The following VPS13B variants were observed in gnomAD, a reference collection of about 807,000 sequenced individuals.
VPS13B encodes intermembrane lipid transfer protein VPS13B.
In VPS13B, 285 loss-of-function variants were observed where a neutral mutation model predicts 426.4. The ratio of observed to expected loss-of-function variants is 0.67; its 90% CI spans 0.61 to 0.74. The LOEUF is 0.74. VPS13B is among the 30% of genes least tolerant of loss of function. The pLI, the probability that VPS13B is intolerant of heterozygous loss-of-function variation, is 0.00. For synonymous variants in VPS13B, 1,676 were observed against 1,676.4 expected (o/e 1.00, Z 0.01); for missense variants, 4,537 against 4,782.6 (o/e 0.95, Z 1.51).
At chr8:99,437,701 G>C (rs948240686) in intron 22 of VPS13B, among the ~76,000 whole-genome samples, 1 of 152,032 alleles carries the variant, frequency 6.6e-6, no homozygotes, top group African/African-American at 2.4e-5. Flanking sequence ...CTGGGTGACA[G>C]AGCAAAACTC....
At chr8:99,140,230 T>G (rs1810331282) in intron 12 of VPS13B, among the ~76,000 whole-genome samples, 1 of 151,876 alleles carries the variant, frequency 6.6e-6, no homozygotes, top group South Asian at 2.1e-4. Context: ...CCGGGGGTGG[T>G]GGCAGGCGCC....
At chr8:99,341,251 T>C (rs1279810465) in intron 19 of VPS13B, 4 of 173,324 alleles carry the variant, frequency 2.3e-5, no homozygotes, top group East Asian at 3.6e-4. Flanking sequence ...CCAAAATCAT[T>C]ATGATGTTGG....
intron 39 of VPS13B, among the ~76,000 whole-genome samples, chr8:99,747,865 C>T (rs1276057879): frequency 2.0e-5 from 3 of 150,980 alleles, no homozygotes; most frequent in African/African-American, 7.3e-5. Flanking sequence ...TTCTCTTGGG[C>T]GGCAGGGTCA....
In VPS13B at chr8:99,156,694, A is replaced by G. The variant is rs1290974778; in HGVS notation, c.2159A>G (p.Gln720Arg). 6.2e-7 allele frequency: 1 copy of G among 1,614,050 alleles called. No homozygotes were observed. The highest frequency in any genetic ancestry group is 1.1e-5 in the South Asian group (1 of 91,074). The change falls in exon 15 of 62, where the codon CAA becomes CGA. Residue 720 changes from glutamine to arginine, a missense_variant. This residue lies in a region of VPS13B where 4,311 missense variants were observed against 4,474.3 expected (regional missense o/e 0.96). Transcript: ENST00000357162. Reference sequence around the variant, plus strand: ...GTGCATGTGGTCAGCAGCCTTACTCAACCTTCTGATAACCTGCTTCATTAT... The same window carrying G: ...GTGCATGTGGTCAGCAGCCTTACTCGACCTTCTGATAACCTGCTTCATTAT... ...QLVHVVSSLT[Q>R]PSDNLLHYCY...
In VPS13B at chr8:99,096,309, T is replaced by C. The variant is rs979855833; in HGVS notation, c.292-3T>C. On this transcript the variant is annotated splice_polypyrimidine_tract_variant and splice_region_variant and intron_variant, in intron 3 of 61. Coordinates refer to ENST00000357162, the MANE Select transcript of VPS13B (RefSeq NM_152564.5). ...TCTTTTTCTTTCTTTAAAATAAAAA[T>C]AGGATGACCATGAAAGCTGTGGTTC... 10 of 1,613,886 alleles carry C rather than the reference T, an allele frequency of 6.2e-6. No homozygotes were observed. Among genetic ancestry groups the C allele is most frequent in the Non-Finnish European group, 7.6e-6 (9 of 1,179,880 alleles).
intron 39 of VPS13B, among the ~76,000 whole-genome samples, chr8:99,728,312 A>G (rs1352102717): frequency 2.6e-5 from 4 of 152,154 alleles, no homozygotes; most frequent in Non-Finnish European, 5.9e-5. Context: ...CCTTTCCCTG[A>G]TGACATCTCT....
chr8:99,501,906 C>CCCTCCCTCCCTCCCTCCCTCCCTT (rs1821256623), intron 26 of VPS13B, 48 bp downstream of exon 26: 1 of 1,374,614 alleles, frequency 7.3e-7, no homozygotes, highest in East Asian at 2.5e-5. Flanking sequence ...GTCCCTCCCT[C>CCCTCCCTCCCTCCCTCCCTCCCTT]CCTCCCTCCC....
At chr8:99,647,041 C>T (rs1406221994) in intron 34 of VPS13B, among the ~76,000 whole-genome samples, 2 of 151,944 alleles carry the variant, frequency 1.3e-5, no homozygotes, top group South Asian at 2.1e-4. Context: ...ATAATTGCCC[C>T]ATTGTCACAT....
At chr8:99,598,340 GA>G (rs1827119409) in intron 33 of VPS13B, among the ~76,000 whole-genome samples, 1 of 151,952 alleles carries the variant, frequency 6.6e-6, no homozygotes, top group Non-Finnish European at 1.5e-5. Context: ...ATTTAGTAAG[GA>G]AATATCTGTA....
At chr8:99,637,585 G>A (rs533111057) in intron 33 of VPS13B, among the ~76,000 whole-genome samples, 17 of 152,152 alleles carry the variant, frequency 1.1e-4, no homozygotes, top group Admixed American at 8.5e-4. Context: ...TGCCACTGCT[G>A]GTTATTTATA....
intron 12 of VPS13B, among the ~76,000 whole-genome samples, chr8:99,140,970 C>T (rs1206825512): frequency 6.6e-6 from 1 of 151,906 alleles, no homozygotes. Context: ...CCTTTCTAGT[C>T]TTTTCTGTTT....
chr8:99,176,874 C>G (rs1250737017), intron 16 of VPS13B, among the ~76,000 whole-genome samples: 1 of 152,028 alleles, frequency 6.6e-6, no homozygotes, highest in Non-Finnish European at 1.5e-5. Flanking sequence ...TTAATGCCAG[C>G]AGATGATGGT....
chr8:99,351,318 C>G (rs1811864916), intron 19 of VPS13B, among the ~76,000 whole-genome samples: 2 of 152,128 alleles, frequency 1.3e-5, no homozygotes, highest in Non-Finnish European at 2.9e-5. Flanking sequence ...TGCTTCAAAA[C>G]CTTTTATGGT....
chr8:99,618,954 C>T (rs1007237269), intron 33 of VPS13B, among the ~76,000 whole-genome samples: 1 of 151,790 alleles, frequency 6.6e-6, no homozygotes, highest in African/African-American at 2.4e-5. Flanking sequence ...TCTCCTAACT[C>T]TCTCTGCTCT....
chr8:99,549,798 T>C (rs1325641490), intron 30 of VPS13B, among the ~76,000 whole-genome samples: 3 of 152,110 alleles, frequency 2.0e-5, no homozygotes, highest in East Asian at 1.9e-4. Context: ...TCAGGGTTTC[T>C]AGATGTGCTA....
intron 19 of VPS13B, among the ~76,000 whole-genome samples, chr8:99,381,780 A>G (rs913102171): frequency 2.7e-5 from 4 of 146,968 alleles, no homozygotes; most frequent in African/African-American, 5.0e-5. Flanking sequence ...AGATTTCTTT[A>G]TGTTCCTTAT....
At chr8:99,512,245 A>G (rs1821829260) in intron 29 of VPS13B, among the ~76,000 whole-genome samples, 1 of 152,234 alleles carries the variant, frequency 6.6e-6, no homozygotes, top group African/African-American at 2.4e-5. Flanking sequence ...ACAGTGGTAT[A>G]CAGTTGCTTT....
intron 3 of VPS13B, among the ~76,000 whole-genome samples, chr8:99,082,506 C>T (rs974508457): frequency 1.3e-5 from 2 of 152,256 alleles, no homozygotes; most frequent in East Asian, 3.9e-4. Context: ...GTTGCCATTG[C>T]TTTTGGTGTT....
At chr8:99,844,931 G>A (rs963289781) in intron 54 of VPS13B, among the ~76,000 whole-genome samples, 1 of 152,142 alleles carries the variant, frequency 6.6e-6, no homozygotes, top group East Asian at 1.9e-4. Context: ...TCCAGACACA[G>A]GCAACAGCAG....
Sources: gnomAD v4.1 joint callset for allele counts (sites outside exome capture counted in the v4.1 genomes callset) on GRCh38, gnomAD v4.1.1 for gene constraint, gnomAD v4.1.1 regional missense constraint, MANE v1.5 for transcripts, NCBI Gene and HGNC (gene_info 2026-07-23, HGNC 2026-07-21) for gene names.